The following TBX20 variants were observed in gnomAD, a reference collection of about 807,000 sequenced individuals.
The protein encoded by TBX20 is T-box transcription factor TBX20.
Under a neutral mutation model 42.9 loss-of-function variants are expected in TBX20, and 8 were observed. The ratio of observed to expected loss-of-function variants is 0.19; its 90% CI spans 0.11 to 0.34. The LOEUF is 0.34. Ranked by LOEUF, TBX20 falls within the 10% of genes least tolerant of loss-of-function variation. The probability of loss-of-function intolerance (pLI) is 1.00; values close to 1 mark genes in which losing one functional copy is unlikely to be tolerated. For synonymous variants in TBX20, 198 were observed against 222.8 expected (o/e 0.89, Z 0.99); for missense variants, 411 against 566.0 (o/e 0.73, Z 2.78).
chr7:35,245,369 T>C (rs1445456381), intron 3 of TBX20, among the ~76,000 whole-genome samples: 1 of 151,130 alleles, frequency 6.6e-6, no homozygotes, highest in Non-Finnish European at 1.5e-5. Flanking sequence ...TCTAGTCAAC[T>C]ACTGGTCTGC....
At chr7:35,239,082 T>G (rs1584354397) in intron 5 of TBX20, among the ~76,000 whole-genome samples, 1 of 151,982 alleles carries the variant, frequency 6.6e-6, no homozygotes, top group Admixed American at 6.6e-5. Flanking sequence ...AATATCTAGG[T>G]AAGGAAAACA....
intron 5 of TBX20, among the ~76,000 whole-genome samples, chr7:35,234,469 A>G (rs1789924880): frequency 6.6e-6 from 1 of 152,236 alleles, no homozygotes; most frequent in Non-Finnish European, 1.5e-5. Context: ...TGAGCAAAGG[A>G]GTAACTTAAA....
At chr7:35,216,760 T>C (rs757890244) in intron 6 of TBX20, among the ~76,000 whole-genome samples, 6 of 152,196 alleles carry the variant, frequency 3.9e-5, no homozygotes, top group Non-Finnish European at 8.8e-5. Flanking sequence ...ACATTCTCAT[T>C]TTCTCTCCTA....
chr7:35,224,470 C>T (rs1789736436), intron 6 of TBX20, among the ~76,000 whole-genome samples: 1 of 152,176 alleles, frequency 6.6e-6, no homozygotes, highest in African/African-American at 2.4e-5. Flanking sequence ...GTCAGGAGTT[C>T]AAGACCAGAC....
chr7:35,215,605 A>C (rs187018694), intron 6 of TBX20, among the ~76,000 whole-genome samples: 169 of 152,304 alleles, frequency 1.1e-3, no homozygotes, highest in African/African-American at 3.9e-3. Flanking sequence ...TGGATTTAAT[A>C]AGGTAGATAA....
Position 35,246,703 on chromosome 7 carries a change from T to C in TBX20, c.546-1646A>G, listed in dbSNP as rs565235205. On this transcript the variant is annotated intron_variant, in intron 3 of 7. Coordinates refer to ENST00000408931, the MANE Select transcript of TBX20 (RefSeq NM_001077653.2). Reference sequence around the variant, plus strand: ...CAGCCTGAACTAAAATGCTTCAAAGTCCTAAAACCATGGGAAATTTTTGCC... The same window carrying C: ...CAGCCTGAACTAAAATGCTTCAAAGCCCTAAAACCATGGGAAATTTTTGCC... Among the ~76,000 whole-genome samples, 14 of 152,212 alleles carry C rather than the reference T, an allele frequency of 9.2e-5. No homozygotes were observed. The East Asian group carries it at 1.2e-3, about 13-fold the overall frequency.
At chr7:35,244,841 G>C in intron 4 of TBX20, 108 bp downstream of exon 4, 1 of 768,982 alleles carries the variant, frequency 1.3e-6, no homozygotes, top group Admixed American at 1.9e-5. Flanking sequence ...AGAGATAGAA[G>C]GTGGGAAGGG....
chr7:35,209,059 G>A (rs1159367313), intron 6 of TBX20, among the ~76,000 whole-genome samples: 2 of 152,092 alleles, frequency 1.3e-5, no homozygotes. Flanking sequence ...TTGCAGTCCT[G>A]AACTAGGCCC....
intron 5 of TBX20, among the ~76,000 whole-genome samples, chr7:35,234,993 C>T (rs1292455555): frequency 6.6e-6 from 1 of 152,118 alleles, no homozygotes; most frequent in East Asian, 1.9e-4. Context: ...ACAATAAGAA[C>T]CCCACAAGTA....
intron 1 of TBX20, 134 bp from the exon 2 acceptor site, chr7:35,250,337 A>G: frequency 9.3e-7 from 1 of 1,074,050 alleles, no homozygotes; most frequent in Non-Finnish European, 1.4e-6. Context: ...GGCAGGCTGT[A>G]GGGATGACCC....
At chr7:35,216,429 T>A (rs536750726) in intron 6 of TBX20, among the ~76,000 whole-genome samples, 261 of 152,386 alleles carry the variant, frequency 1.7e-3, no homozygotes, top group African/African-American at 6.1e-3. Context: ...TTTTCATGCC[T>A]CCCTTTTCTC....
Position 35,203,468 on chromosome 7 carries a change from G to T in TBX20, c.1004-698C>A, listed in dbSNP as rs543288141. On this transcript the variant is annotated intron_variant, in intron 7 of 7. Coordinates refer to ENST00000408931, the MANE Select transcript of TBX20 (RefSeq NM_001077653.2). ...AACTCAGTGTGAAGATGAGGATGAA[G>T]ACCTTTATGATGATCCACTTCCACT... Among the ~76,000 whole-genome samples the T allele has an allele frequency of 4.4e-4, 66 of 151,248 alleles. No individual in the cohort carries two copies. In the South Asian group the frequency reaches 0.014, roughly 32 times the overall value.
chr7:35,215,621 G>T (rs1366516109), intron 6 of TBX20, among the ~76,000 whole-genome samples: 1 of 152,076 alleles, frequency 6.6e-6, no homozygotes, highest in African/African-American at 2.4e-5. Context: ...GATAAAGTGG[G>T]TACTCTTATT....
chr7:35,238,393 A>G (rs1392221680), intron 5 of TBX20, among the ~76,000 whole-genome samples: 1 of 152,178 alleles, frequency 6.6e-6, no homozygotes, highest in Non-Finnish European at 1.5e-5. Context: ...AAAGAGGAAA[A>G]CAATTTACCT....
intron 6 of TBX20, among the ~76,000 whole-genome samples, chr7:35,208,070 G>A (rs187720904): frequency 1.1e-3 from 167 of 152,096 alleles, no homozygotes; most frequent in Non-Finnish European, 1.9e-3. Context: ...TCATGAACCA[G>A]TACATCCTTC....
chr7:35,232,725 T>C (rs910203865), intron 5 of TBX20, among the ~76,000 whole-genome samples: 3 of 152,194 alleles, frequency 2.0e-5, no homozygotes, highest in African/African-American at 7.2e-5. Flanking sequence ...AACAGATAGT[T>C]TGAAATACTC....
intron 6 of TBX20, among the ~76,000 whole-genome samples, chr7:35,207,928 G>A (rs1008552804): frequency 3.3e-5 from 5 of 151,816 alleles, no homozygotes; most frequent in African/African-American, 1.2e-4. Context: ...CTAGTTCTTT[G>A]CATTTCCATA....
rs1440782623 is a variant in TBX20 at position 35,202,510 on chromosome 7, G to T, written c.1264C>A (p.His422Asn). Reference sequence around the variant, plus strand: ...TAGGGCCCCTGCTGAAAATAGTGATGGTATCGCGGCATGTGGAATGAAGGG... The same window carrying T: ...TAGGGCCCCTGCTGAAAATAGTGATTGTATCGCGGCATGTGGAATGAAGGG... ...TFPSFHMPRY[H>N]HYFQQGPYAA... The change falls in exon 8 of 8, where the codon CAT (histidine) becomes AAT (asparagine). Residue 422 changes from histidine to asparagine, a missense_variant. His to Asn is a moderately conservative substitution (Grantham distance 68). Around this residue, in one of 5 missense-constraint regions of TBX20, gnomAD observed 162 missense variants for 205.4 expected, o/e 0.79. Coordinates refer to ENST00000408931, the MANE Select transcript of TBX20 (RefSeq NM_001077653.2). 6.2e-7 allele frequency: 1 copy of T among 1,609,750 alleles called. No homozygotes were observed.
chr7:35,242,955 A>T (rs778569743), intron 4 of TBX20, among the ~76,000 whole-genome samples: 3 of 152,142 alleles, frequency 2.0e-5, no homozygotes, highest in Non-Finnish European at 2.9e-5. Context: ...GAACACACTA[A>T]TTCTGGTGAC....
Sources: gnomAD v4.1 joint callset for allele counts (sites outside exome capture counted in the v4.1 genomes callset) on GRCh38, gnomAD v4.1.1 for gene constraint, gnomAD v4.1.1 regional missense constraint, MANE v1.5 for transcripts, NCBI Gene and HGNC (gene_info 2026-07-23, HGNC 2026-07-21) for gene names.